Variants in SIPA1L2 observed in about 807,000 individuals in gnomAD.
The protein encoded by SIPA1L2 is signal induced proliferation associated 1 like 2.
SIPA1L2 carries 56 observed loss-of-function variants against 163.9 expected under a neutral mutation model. The observed-to-expected ratio is 0.34, with a 90% CI of 0.28 to 0.43. The LOEUF (loss-of-function observed/expected upper bound fraction) is 0.43, where lower values mean the gene tolerates loss of function less well. SIPA1L2 is among the 20% of genes least tolerant of loss of function. SIPA1L2 has a pLI of 1.00. For missense variants in SIPA1L2, 1,974 were observed against 2,193.5 expected (o/e 0.90, Z 2.00); for synonymous variants, 877 against 865.7 (o/e 1.01, Z -0.23).
chr1:232,592,454 C>A (rs1661016791), intron 1 of SIPA1L2, among the ~76,000 whole-genome samples: 1 of 152,180 alleles, frequency 6.6e-6, no homozygotes. Flanking sequence ...ATGTTCAGAT[C>A]TAAAAATACA....
intron 2 of SIPA1L2, among the ~76,000 whole-genome samples, chr1:232,546,897 A>G (rs1186919741): frequency 1.3e-5 from 2 of 152,192 alleles, no homozygotes; most frequent in African/African-American, 4.8e-5. Context: ...AGATCCTCAA[A>G]TGAGGAGGAG....
intron 2 of SIPA1L2, among the ~76,000 whole-genome samples, chr1:232,518,078 G>A (rs1006646265): frequency 3.3e-5 from 5 of 152,080 alleles, no homozygotes; most frequent in South Asian, 2.1e-4. Flanking sequence ...AATAATATAC[G>A]AAATTAAAAA....
rs776479566 is a variant in SIPA1L2 at position 232,514,758 on chromosome 1, A to G, written c.582T>C (p.Ser194=). The change falls in exon 3 of 23, where the codon AGT becomes AGC. Residue 194 remains serine (S), a synonymous_variant. Transcript: ENST00000674635. ...TGAALHREYG[S]TSSIDRQGLS... is the part of the protein sequence containing the mutation. ...AGCCTTGCCTGTCGATGGATGAAGT[A>G]CTTCCATACTCCCTGTGCAGGGCAG... The G allele has an allele frequency of 1.1e-5, 17 of 1,614,234 alleles. No homozygotes were observed. The highest frequency in any genetic ancestry group is 3.4e-6 in the Non-Finnish European group (4 of 1,180,046).
In SIPA1L2 at chr1:232,515,568, A is replaced by G; in HGVS notation, c.-229T>C. On this transcript the variant is annotated 5_prime_UTR_variant, in exon 3 of 23. An upstream start codon of the reference 5' UTR is lost. Transcript: ENST00000674635. ...GTACGCCTCTGTTCTTTTCAAAAGC[A>G]TTCCTTAAGACATCTGGCTGGTCAT... 1 of 461,228 alleles carries G rather than the reference A, an allele frequency of 2.2e-6. No homozygotes were observed. The highest frequency in any genetic ancestry group is 5.2e-5 in the South Asian group (1 of 19,142). The allele number at this position is 461,228 out of a possible 1,614,324, so 28.6% of individuals were successfully genotyped here.
chr1:232,621,339 T>C (rs1031511696), intron 1 of SIPA1L2, among the ~76,000 whole-genome samples: 7 of 152,196 alleles, frequency 4.6e-5, no homozygotes, highest in South Asian at 2.1e-4. Flanking sequence ...GCCATTCTTA[T>C]ATGCACACAC....
Position 232,467,710 on chromosome 1 carries a change from T to C in SIPA1L2, c.2244-2294A>G, listed in dbSNP as rs141220703. On this transcript the variant is annotated intron_variant, in intron 8 of 22. Coordinates refer to ENST00000674635, the MANE Select transcript of SIPA1L2 (RefSeq NM_020808.5). ...CAGATTTCTAGCAGTATTTTACCCATGGAACGCTGAGGCGGCCAAATGTCA... is the reference window on the plus strand; with the variant it reads ...CAGATTTCTAGCAGTATTTTACCCACGGAACGCTGAGGCGGCCAAATGTCA... Among the ~76,000 whole-genome samples, 83 of 152,352 alleles carry C rather than the reference T, an allele frequency of 5.4e-4. No homozygotes were observed. The South Asian group carries it at 6.4e-3, about 12-fold the overall frequency.
chr1:232,454,885 A>G (rs564352276), intron 10 of SIPA1L2, among the ~76,000 whole-genome samples: 1 of 152,236 alleles, frequency 6.6e-6, no homozygotes, highest in African/African-American at 2.4e-5. Flanking sequence ...CAAAATATGA[A>G]TAAGTACTAC....
At chr1:232,560,659 G>A (rs1254539437) in intron 2 of SIPA1L2, among the ~76,000 whole-genome samples, 1 of 152,028 alleles carries the variant, frequency 6.6e-6, no homozygotes, top group African/African-American at 2.4e-5. Flanking sequence ...GCCTTCATGA[G>A]CCTCAATGGC....
rs540455422 is a variant in SIPA1L2, at chr1:232,405,610, G to C, written c.4763-1432C>G. 3.3e-5 allele frequency among the ~76,000 whole-genome samples: 5 copies of C among 152,250 alleles called. No individual in the cohort carries two copies. In the East Asian group the frequency reaches 7.7e-4, roughly 24 times the overall value. On this transcript the variant is annotated intron_variant, in intron 19 of 22. Coordinates refer to ENST00000674635, the MANE Select transcript of SIPA1L2 (RefSeq NM_020808.5). ...CCAACATAACCCTCTGTTCTGTAAA[G>C]AGCCCAGAATATGGGAACACATCAC...
intron 2 of SIPA1L2, among the ~76,000 whole-genome samples, chr1:232,516,001 G>A (rs969974407): frequency 1.3e-5 from 2 of 152,190 alleles, no homozygotes; most frequent in African/African-American, 2.4e-5. Context: ...CTGTGTACCA[G>A]CATTAACTAT....
chr1:232,420,117 T>A (rs1661482502), intron 18 of SIPA1L2, among the ~76,000 whole-genome samples: 1 of 151,418 alleles, frequency 6.6e-6, no homozygotes, highest in African/African-American at 2.4e-5. Context: ...AGGTCAGGAG[T>A]TCGAGACCAA....
intron 1 of SIPA1L2, among the ~76,000 whole-genome samples, chr1:232,580,353 T>C (rs1660308814): frequency 6.6e-6 from 1 of 152,200 alleles, no homozygotes; most frequent in African/African-American, 2.4e-5. Context: ...TACCTCAACC[T>C]GTTTTATCAG....
At chr1:232,605,162 A>C (rs1208284354) in intron 1 of SIPA1L2, among the ~76,000 whole-genome samples, 1 of 152,060 alleles carries the variant, frequency 6.6e-6, no homozygotes, top group African/African-American at 2.4e-5. Flanking sequence ...ATAGGCATAC[A>C]TCACCACACC....
chr1:232,446,154 T>A lies in SIPA1L2; in HGVS notation c.3096-368A>T, dbSNP rs73111071. On this transcript the variant is annotated intron_variant, in intron 10 of 22. Coordinates refer to ENST00000674635, the MANE Select transcript of SIPA1L2 (RefSeq NM_020808.5). ...GAAGCAGCTGTTCCAAGACCCCCAA[T>A]ACACAGCTAAAAAAAATTAACACCT... Among the ~76,000 whole-genome samples the A allele has an allele frequency of 9.2e-3, 1,404 of 152,150 alleles. 27 individuals are homozygous for A. The highest frequency in any genetic ancestry group is 0.032 in the African/African-American group (1,331 of 41,516).
intron 1 of SIPA1L2, among the ~76,000 whole-genome samples, chr1:232,610,669 C>G (rs938656738): frequency 7.9e-5 from 12 of 152,234 alleles, no homozygotes; most frequent in African/African-American, 2.2e-4. Context: ...GCACCTGGGC[C>G]TGACACTAGG....
intron 1 of SIPA1L2, among the ~76,000 whole-genome samples, chr1:232,603,048 C>A (rs571098668): frequency 6.6e-6 from 1 of 152,274 alleles, no homozygotes; most frequent in East Asian, 1.9e-4. Flanking sequence ...GAAGGCATTT[C>A]TGATGCAGAA....
chr1:232,537,936 T>G (rs1558253280), intron 2 of SIPA1L2, among the ~76,000 whole-genome samples: 1 of 152,226 alleles, frequency 6.6e-6, no homozygotes, highest in Non-Finnish European at 1.5e-5. Flanking sequence ...CCATTTTTCA[T>G]TCACTGATTA....
intron 1 of SIPA1L2, among the ~76,000 whole-genome samples, chr1:232,608,249 TG>T (rs1380727917): frequency 6.6e-6 from 1 of 152,074 alleles, no homozygotes; most frequent in Non-Finnish European, 1.5e-5. Context: ...GGTTTCACCA[TG>T]GTGGTCAGGC....
intron 2 of SIPA1L2, among the ~76,000 whole-genome samples, chr1:232,531,733 G>A (rs928844224): frequency 1.3e-5 from 2 of 152,180 alleles, no homozygotes; most frequent in South Asian, 2.1e-4. Flanking sequence ...TGTTCAAAGC[G>A]ACTGCTATCA....
Sources: allele counts gnomAD v4.1 joint callset (sites outside exome capture counted in the v4.1 genomes callset), GRCh38; gene constraint gnomAD v4.1.1; transcripts MANE v1.5; gene names NCBI Gene and HGNC (gene_info 2026-07-23, HGNC 2026-07-21).